The following DDX60 variants were observed in gnomAD, a reference collection of about 807,000 sequenced individuals.
DDX60 encodes the protein DExD/H-box helicase 60, also known as probable ATP-dependent RNA helicase DDX60.
In DDX60, 165 loss-of-function variants were observed where a neutral mutation model predicts 212.8. The observed-to-expected ratio is 0.78, with a 90% CI of 0.68 to 0.88. The LOEUF (loss-of-function observed/expected upper bound fraction) is 0.88, where lower values mean the gene tolerates loss of function less well. DDX60 is among the 40% of genes least tolerant of loss of function. The pLI is 0.00. For synonymous variants in DDX60, 703 were observed against 685.3 expected (o/e 1.03, Z -0.40); for missense variants, 1,905 against 2,003.9 (o/e 0.95, Z 0.94).
intron 6 of DDX60, among the ~76,000 whole-genome samples, chr4:168,297,153 C>G (rs185643537): frequency 6.6e-6 from 1 of 151,834 alleles, no homozygotes; most frequent in Non-Finnish European, 1.5e-5. Context: ...TTGTGATTCA[C>G]CTACCTTGGC....
In DDX60 at chr4:168,274,093, G is replaced by T; in HGVS notation, c.2305-10C>A. The T allele has an allele frequency of 1.9e-6, 3 of 1,613,936 alleles. No homozygotes were observed. In the South Asian group the frequency reaches 3.3e-5, roughly 18 times the overall value. On this transcript the variant is annotated splice_polypyrimidine_tract_variant and intron_variant, in intron 16 of 37. Coordinates refer to ENST00000393743, the MANE Select transcript of DDX60 (RefSeq NM_017631.6). ...CATCAAGGAGCTCTCGCTGCAGGGT[G>T]CAGAGTACCATTCATGTCAAGAAAC... is the stretch of plus-strand genomic sequence containing the variant.
At chr4:168,296,637 T>C (rs1188173266) in intron 6 of DDX60, among the ~76,000 whole-genome samples, 1 of 151,910 alleles carries the variant, frequency 6.6e-6, no homozygotes, top group Non-Finnish European at 1.5e-5. Flanking sequence ...TTGGATTAAA[T>C]CGAATTAAAG....
At chr4:168,249,183 T>C (rs1353661256) in intron 28 of DDX60, among the ~76,000 whole-genome samples, 1 of 152,232 alleles carries the variant, frequency 6.6e-6, no homozygotes, top group Non-Finnish European at 1.5e-5. Context: ...AGATTATGCC[T>C]ATGGAAAAAG....
chr4:168,231,940 G>A (rs549003537), intron 33 of DDX60, among the ~76,000 whole-genome samples: 1 of 152,016 alleles, frequency 6.6e-6, no homozygotes, highest in Admixed American at 6.6e-5. Context: ...ATTTCCCAAT[G>A]ATATGACTGA....
Position 168,298,378 on chromosome 4 carries a change from A to G in DDX60, c.723+3922T>C, listed in dbSNP as rs527600780. 3.3e-5 allele frequency among the ~76,000 whole-genome samples: 5 copies of G among 152,326 alleles called. No homozygotes were observed. The South Asian group carries it at 1.0e-3, about 32-fold the overall frequency. On this transcript the variant is annotated intron_variant, in intron 6 of 37. Coordinates refer to ENST00000393743, the MANE Select transcript of DDX60 (RefSeq NM_017631.6). ...TAAAACAAAGTGATTCAGAAATACT[A>G]AAAATAAAGGAATGGACATAATTCT...
chr4:168,314,249 C>T (rs1023886767), intron 1 of DDX60, among the ~76,000 whole-genome samples: 2 of 151,992 alleles, frequency 1.3e-5, no homozygotes, highest in Admixed American at 6.6e-5. Context: ...AGTCATTATC[C>T]CCACTTCTCT....
chr4:168,258,131 A>G (rs1388923650), intron 25 of DDX60, among the ~76,000 whole-genome samples: 1 of 141,768 alleles, frequency 7.1e-6, no homozygotes, highest in Non-Finnish European at 1.5e-5. Flanking sequence ...ACAAAAAGGG[A>G]TCATCCTGGT....
At chr4:168,288,063 A>G in intron 9 of DDX60, 111 bp downstream of exon 9, 1 of 660,666 alleles carries the variant, frequency 1.5e-6, no homozygotes, top group East Asian at 3.2e-5. Context: ...AAAGATGAAA[A>G]TAATTGCTAT....
At chr4:168,278,163 A>G (rs1330222283) in intron 14 of DDX60, among the ~76,000 whole-genome samples, 1 of 152,236 alleles carries the variant, frequency 6.6e-6, no homozygotes, top group South Asian at 2.1e-4. Flanking sequence ...TGAAAACATG[A>G]AAGTTCTTGA....
At chr4:168,304,449 T>C (rs932997076) in intron 5 of DDX60, among the ~76,000 whole-genome samples, 1 of 152,134 alleles carries the variant, frequency 6.6e-6, no homozygotes, top group Non-Finnish European at 1.5e-5. Context: ...ACTTGTAATC[T>C]CAGCATTTTG....
chr4:168,289,876 C>T (rs1273215190), intron 8 of DDX60, among the ~76,000 whole-genome samples: 1 of 152,148 alleles, frequency 6.6e-6, no homozygotes, highest in African/African-American at 2.4e-5. Flanking sequence ...CTCACTGGTC[C>T]CTGGCACCAT....
Position 168,237,687 on chromosome 4 carries a change from A to C in DDX60, c.4269+4T>G, listed in dbSNP as rs1157812553. ...TCCCAAAACAAAAGTGCAGTAATGC[A>C]TACCTCTTTCACCAGGAACTGCAAA... On this transcript the variant is annotated splice_donor_region_variant and intron_variant, in intron 31 of 37. Transcript: ENST00000393743. 2 of 1,608,490 alleles carry C rather than the reference A, an allele frequency of 1.2e-6. No homozygotes were observed. Among genetic ancestry groups the C allele is most frequent in the Non-Finnish European group, 1.7e-6 (2 of 1,176,704 alleles).
At chr4:168,278,195 CAT>C (rs2149523846) in intron 14 of DDX60, among the ~76,000 whole-genome samples, 1 of 152,300 alleles carries the variant, frequency 6.6e-6, no homozygotes, top group East Asian at 1.9e-4. Flanking sequence ...AAGAAAAACT[CAT>C]ATGCTGAGGT....
chr4:168,276,260 A>G (rs1248535446), intron 14 of DDX60, 79 bp from the exon 15 acceptor site: 2 of 1,208,922 alleles, frequency 1.7e-6, no homozygotes, highest in African/African-American at 3.1e-5. Context: ...TTAATCATCT[A>G]GATGGCCTCA....
intron 30 of DDX60, among the ~76,000 whole-genome samples, chr4:168,240,379 GA>G (rs1469914492): frequency 2.0e-5 from 3 of 152,160 alleles, no homozygotes; most frequent in African/African-American, 7.2e-5. Flanking sequence ...TCAATATTGT[GA>G]AAATGGCCAT....
At chr4:168,318,001 A>C (rs1737475525) in intron 1 of DDX60, among the ~76,000 whole-genome samples, 1 of 152,154 alleles carries the variant, frequency 6.6e-6, no homozygotes, top group East Asian at 1.9e-4. Context: ...TGAACAGAGA[A>C]CTCACTTTAC....
At chr4:168,274,130 T>C (rs762721595) in intron 16 of DDX60, 47 bp from the exon 17 acceptor site, 13 of 1,608,976 alleles carry the variant, frequency 8.1e-6, no homozygotes, top group South Asian at 5.5e-5. Context: ...GAACCGTATG[T>C]TACCAAAACA....
intron 25 of DDX60, among the ~76,000 whole-genome samples, chr4:168,257,477 G>C (rs1424357984): frequency 6.6e-6 from 1 of 152,162 alleles, no homozygotes; most frequent in Non-Finnish European, 1.5e-5. Context: ...AGAGCCCACA[G>C]TTTATATGTG....
intron 1 of DDX60, among the ~76,000 whole-genome samples, 187 bp downstream of exon 1, chr4:168,318,435 G>A (rs1238818785): frequency 1.3e-5 from 2 of 152,204 alleles, no homozygotes; most frequent in Non-Finnish European, 2.9e-5. Context: ...CCCCACGCCC[G>A]GCCTTCCGGG....
Sources: gnomAD v4.1 joint callset for allele counts (sites outside exome capture counted in the v4.1 genomes callset) on GRCh38, gnomAD v4.1.1 for gene constraint, MANE v1.5 for transcripts, NCBI Gene and HGNC (gene_info 2026-07-23, HGNC 2026-07-21) for gene names.